DMXL1: variants seen among roughly 807,000 people sequenced by gnomAD.
DMXL1 encodes Dmx like 1, also known as dmX-like protein 1.
Under a neutral mutation model 319.2 loss-of-function variants are expected in DMXL1, and 99 were observed. The ratio of observed to expected loss-of-function variants is 0.31; its 90% CI spans 0.26 to 0.37. The LOEUF (loss-of-function observed/expected upper bound fraction) is 0.37, where lower values mean the gene tolerates loss of function less well. Among genes scored for constraint, DMXL1 ranks in the 10% least tolerant of loss-of-function variants. DMXL1 has a pLI of 1.00. For missense variants in DMXL1, 3,745 were observed against 3,595.6 expected (o/e 1.04, Z -1.06); for synonymous variants, 1,385 against 1,235.2 (o/e 1.12, Z -2.54).
At chr5:119,206,937 T>C (rs901658858) in intron 34 of DMXL1, 41 bp downstream of exon 34, 3 of 1,241,004 alleles carry the variant, frequency 2.4e-6, no homozygotes, top group Admixed American at 2.1e-5. Flanking sequence ...ATTGCATTCT[T>C]TCACAAAAGA....
intron 34 of DMXL1, among the ~76,000 whole-genome samples, chr5:119,216,086 A>G (rs1783634255): frequency 9.3e-6 from 1 of 107,816 alleles, no homozygotes; most frequent in African/African-American, 3.9e-5. Flanking sequence ...CGACAAGAGC[A>G]TCCATCTCAA....
chr5:119,089,999 CTTTTTTTTTTTTTTTTTTTTTT>C (rs70982467), intron 1 of DMXL1, among the ~76,000 whole-genome samples: 14 of 34,402 alleles, frequency 4.1e-4, no homozygotes, highest in South Asian at 3.3e-3. Context: ...TCGGGTTAGT[CTTTTTTTTTTTTTTTTTTTTTT>C]TTTTTTTTTT....
chr5:119,081,857 C>T (rs989725631), intron 1 of DMXL1, among the ~76,000 whole-genome samples: 78 of 151,854 alleles, frequency 5.1e-4, no homozygotes, highest in African/African-American at 1.8e-3. Flanking sequence ...GTTTTTACTG[C>T]ATTTGGGGTC....
Position 119,178,157 on chromosome 5 carries a change from C to T in DMXL1, c.7048C>T (p.Pro2350Ser). ...TGAGCTATTTCGGATTGTGGCCCAT[C>T]CTCTAAATGAGAAAATGTGGTCTGC... is the stretch of plus-strand genomic sequence containing the variant. The part of the protein sequence containing the change: ...SNELFRIVAH[P>S]LNEKMWSAVF... Residue 2350 changes from proline to serine, a missense_variant, in exon 28 of 44, where the codon CCT becomes TCT. Transcript: ENST00000539542. 6.2e-7 allele frequency: 1 copy of T among 1,613,896 alleles called. No homozygotes were observed. The highest frequency in any genetic ancestry group is 8.5e-7 in the Non-Finnish European group (1 of 1,179,844).
chr5:119,215,464 C>T (rs975378432), intron 34 of DMXL1, among the ~76,000 whole-genome samples: 1 of 151,986 alleles, frequency 6.6e-6, no homozygotes, highest in Non-Finnish European at 1.5e-5. Context: ...CGCACCATCA[C>T]GCCTGGCTAA....
intron 19 of DMXL1, among the ~76,000 whole-genome samples, chr5:119,156,031 A>T (rs1326567342): frequency 6.6e-6 from 1 of 152,174 alleles, no homozygotes; most frequent in Non-Finnish European, 1.5e-5. Flanking sequence ...TCCAATTTTG[A>T]AAGAAGTTCT....
chr5:119,127,950 C>A, intron 9 of DMXL1: 3 of 383,246 alleles, frequency 7.8e-6, no homozygotes, highest in South Asian at 6.7e-5. Flanking sequence ...TGGTTTAAGT[C>A]CATGTCCTGA....
At chr5:119,112,206 C>A (rs1759788223) in intron 5 of DMXL1, among the ~76,000 whole-genome samples, 1 of 152,214 alleles carries the variant, frequency 6.6e-6, no homozygotes, top group African/African-American at 2.4e-5. Flanking sequence ...CGTGATCTGC[C>A]TGCCTCAGCC....
chr5:119,071,209 C>T lies in DMXL1; in HGVS notation c.-361C>T, dbSNP rs1392661031. 1.1e-5 allele frequency: 3 copies of T among 272,426 alleles called. No individual in the cohort carries two copies. The highest frequency in any genetic ancestry group is 2.1e-5 in the Non-Finnish European group (3 of 141,192). The allele number at this position is 272,426 out of a possible 1,614,324, so 16.9% of individuals were successfully genotyped here. On this transcript the variant is annotated 5_prime_UTR_variant, in exon 1 of 44. Transcript: ENST00000539542. Reference sequence around the variant, plus strand: ...GCCACTCGGGCTGGGTCAGGAGCGGCTGCCCGAGGTCCAGAGGAAGTGTGT... The same window carrying T: ...GCCACTCGGGCTGGGTCAGGAGCGGTTGCCCGAGGTCCAGAGGAAGTGTGT...
Position 119,170,207 on chromosome 5 carries a change from A to C in DMXL1, c.5416A>C (p.Ser1806Arg). 2 of 1,598,866 alleles carry C rather than the reference A, an allele frequency of 1.3e-6. No individual in the cohort carries two copies. The highest frequency in any genetic ancestry group is 1.7e-6 in the Non-Finnish European group (2 of 1,174,860). ...RENDDQVLSA[S>R]NPTVFNFYNY... Reference sequence around the variant, plus strand: ...ACTTTCAGATCAAGTTTTATCAGCCAGTAATCCTACAGTTTTTAATTTCTA... The same window carrying C: ...ACTTTCAGATCAAGTTTTATCAGCCCGTAATCCTACAGTTTTTAATTTCTA... The change falls in exon 24 of 44, where the codon AGT becomes CGT. Residue 1806 changes from serine to arginine, a missense_variant. By Grantham distance (110) the Ser-to-Arg change is moderately radical. This residue lies in a region of DMXL1 where 1,382 missense variants were observed against 1,269.5 expected (regional missense o/e 1.09). Coordinates refer to ENST00000539542, the MANE Select transcript of DMXL1 (RefSeq NM_001290321.3).
At chr5:119,124,084 A>G (rs59294522) in intron 9 of DMXL1, among the ~76,000 whole-genome samples, 5 of 151,622 alleles carry the variant, frequency 3.3e-5, no homozygotes. Context: ...TGAGGCAGGC[A>G]GATCACCTGA....
chr5:119,194,745 A>G (rs1445838279), intron 30 of DMXL1, among the ~76,000 whole-genome samples: 2 of 152,168 alleles, frequency 1.3e-5, no homozygotes, highest in Admixed American at 6.5e-5. Context: ...AACAACAAAA[A>G]GGTAAATAAT....
intron 10 of DMXL1, among the ~76,000 whole-genome samples, chr5:119,130,299 G>T (rs74940465): frequency 0.039 from 5,926 of 151,400 alleles, 305 homozygotes; most frequent in African/African-American, 0.12. Context: ...CTGTGGGTGT[G>T]CATTTTTATA....
At chr5:119,122,444 C>G (rs1212431918) in intron 9 of DMXL1, among the ~76,000 whole-genome samples, 1 of 147,256 alleles carries the variant, frequency 6.8e-6, no homozygotes. Context: ...GGGGGGCTAA[C>G]CCCCCCCACC....
intron 37 of DMXL1, among the ~76,000 whole-genome samples, chr5:119,223,206 A>C (rs998260704): frequency 1.3e-5 from 2 of 151,662 alleles, no homozygotes; most frequent in African/African-American, 4.8e-5. Flanking sequence ...ACAGGCATGC[A>C]CTACCATGCC....
chr5:119,107,210 T>C (rs891114644), intron 4 of DMXL1, among the ~76,000 whole-genome samples: 1 of 151,962 alleles, frequency 6.6e-6, no homozygotes, highest in African/African-American at 2.4e-5. Context: ...GCTTGGTGGC[T>C]GGCACCTGAG....
At chr5:119,220,261 A>C (rs974452321) in intron 35 of DMXL1, among the ~76,000 whole-genome samples, 10 of 152,184 alleles carry the variant, frequency 6.6e-5, no homozygotes, top group Admixed American at 3.3e-4. Flanking sequence ...ATTGCCATTT[A>C]TACTGGCTTT....
At chr5:119,129,758 G>C (rs1764402369) in intron 10 of DMXL1, among the ~76,000 whole-genome samples, 1 of 152,196 alleles carries the variant, frequency 6.6e-6, no homozygotes, top group Admixed American at 6.5e-5. Context: ...CACCAAACCA[G>C]AATCTGCAAT....
chr5:119,198,469 C>T (rs1780060475), intron 32 of DMXL1, among the ~76,000 whole-genome samples: 1 of 152,178 alleles, frequency 6.6e-6, no homozygotes, highest in Non-Finnish European at 1.5e-5. Flanking sequence ...GGACTGTGAG[C>T]TATAGTTTAT....
Sources: gnomAD v4.1 joint callset for allele counts (sites outside exome capture counted in the v4.1 genomes callset) on GRCh38, gnomAD v4.1.1 for gene constraint, gnomAD v4.1.1 regional missense constraint, MANE v1.5 for transcripts, NCBI Gene and HGNC (gene_info 2026-07-23, HGNC 2026-07-21) for gene names.